The following KCNH3 variants were observed in gnomAD, a reference collection of about 807,000 sequenced individuals.
KCNH3 encodes the protein voltage-gated inwardly rectifying potassium channel KCNH3.
KCNH3 carries 36 observed loss-of-function variants against 95.6 expected under a neutral mutation model. The ratio of observed to expected loss-of-function variants is 0.38; its 90% CI spans 0.29 to 0.50. The LOEUF is 0.50. Ranked by LOEUF, KCNH3 falls within the 20% of genes least tolerant of loss-of-function variation. The probability of loss-of-function intolerance (pLI) is 0.95; values close to 1 mark genes in which losing one functional copy is unlikely to be tolerated. For missense variants in KCNH3, 1,030 were observed against 1,484.1 expected, an observed-to-expected ratio of 0.69 and a Z score of 5.03; for synonymous variants, 620 against 646.3, an observed-to-expected ratio of 0.96 and a Z score of 0.62.
At chr12:49,542,647 C>A in intron 3 of KCNH3, 59 bp from the exon 4 acceptor site, 1 of 1,509,488 alleles carries the variant, frequency 6.6e-7, no homozygotes. Context: ...ACACCTGACC[C>A]GGAGCTAGGG....
chr12:49,552,433 G>A (rs1289008582), intron 10 of KCNH3, among the ~76,000 whole-genome samples: 2 of 152,202 alleles, frequency 1.3e-5, no homozygotes, highest in Non-Finnish European at 2.9e-5. Flanking sequence ...TATGTTTTGG[G>A]TGAACTACTT....
chr12:49,549,191 C>T lies in KCNH3; in HGVS notation c.1468+18C>T, dbSNP rs775505803. 4.4e-5 allele frequency: 69 copies of T among 1,565,964 alleles called. 2 individuals carry two copies. The Admixed American group carries it at 1.2e-3, about 28-fold the overall frequency. On this transcript the variant is annotated intron_variant, in intron 8 of 14. Transcript: ENST00000257981. ...CATCGGCGGTGAGCCCGGCCGCGCG[C>T]GTCTTCCCGGGGCCACTCCCAGACT...
intron 11 of KCNH3, 71 bp from the exon 12 acceptor site, chr12:49,555,549 C>T: frequency 1.0e-6 from 1 of 968,838 alleles, no homozygotes; most frequent in Non-Finnish European, 1.5e-6. Flanking sequence ...TAGATGAAGC[C>T]TTGGTAGGGG....
Position 49,542,691 on chromosome 12 carries a change from C to A in KCNH3, c.446-15C>A. 1 of 1,561,458 alleles carries A rather than the reference C, an allele frequency of 6.4e-7. No homozygotes were observed. The highest frequency in any genetic ancestry group is 2.4e-5 in the East Asian group (1 of 42,084). On this transcript the variant is annotated splice_polypyrimidine_tract_variant and intron_variant, in intron 3 of 14. Transcript: ENST00000257981. ...CACACACCCATCATCTTCATGGGCC[C>A]CTCTTCTTTCGCAGGTGGTGGCCGG...
chr12:49,555,284 CAAAAAAAA>C (rs1157061451), intron 11 of KCNH3, among the ~76,000 whole-genome samples: 1 of 66,872 alleles, frequency 1.5e-5, no homozygotes, highest in Non-Finnish European at 3.0e-5. Context: ...ACTAAAAATA[CAAAAAAAA>C]AAAAAAAAAA....
rs1283761594 is a variant in KCNH3 at position 49,542,859 on chromosome 12, G to A, written c.579+20G>A. ...AATAAGGTGGGCTCAGCCCTGGGAT[G>A]TGTGGGAGAGGGGAGGGGCAGACGC... On this transcript the variant is annotated intron_variant, in intron 4 of 14. Coordinates refer to ENST00000257981, the MANE Select transcript of KCNH3 (RefSeq NM_012284.3). 2 of 1,602,590 alleles carry A rather than the reference G, an allele frequency of 1.2e-6. No individual in the cohort carries two copies. The highest frequency in any genetic ancestry group is 1.7e-6 in the Non-Finnish European group (2 of 1,176,024).
At chr12:49,545,681 A>G (rs1938038818) in intron 7 of KCNH3, among the ~76,000 whole-genome samples, 1 of 151,988 alleles carries the variant, frequency 6.6e-6, no homozygotes, top group Middle Eastern at 3.4e-3. Flanking sequence ...GTGAGCCACC[A>G]CACCCGGCAG....
chr12:49,556,746 C>CCTGT (rs1230836087), intron 13 of KCNH3: 1 of 681,638 alleles, frequency 1.5e-6, no homozygotes, highest in Admixed American at 2.0e-5. Context: ...GCCCCAGCTT[C>CCTGT]CTGTCTGTAA....
intron 7 of KCNH3, among the ~76,000 whole-genome samples, 159 bp from the exon 8 acceptor site, chr12:49,548,736 G>C (rs1202266160): frequency 1.3e-5 from 2 of 152,200 alleles, no homozygotes; most frequent in Non-Finnish European, 2.9e-5. Flanking sequence ...TCTTCTGAGG[G>C]TTGAGGGGGT....
chr12:49,555,961 C>G lies in KCNH3; in HGVS notation c.2468+10C>G. The G allele has an allele frequency of 7.4e-7, 1 of 1,355,754 alleles. No individual in the cohort carries two copies. The highest frequency in any genetic ancestry group is 1.0e-6 in the Non-Finnish European group (1 of 978,248). The allele number at this position is 1,355,754 out of a possible 1,614,324, so 84.0% of individuals were successfully genotyped here. A position where few individuals can be genotyped will look rare whatever the true frequency, so the allele number is the denominator to read the frequency against. On this transcript the variant is annotated intron_variant, in intron 12 of 14. Transcript: ENST00000257981. Reference sequence around the variant, plus strand: ...CAGATCTGAGCCCCAGGTGAGCAGACCCTAGGCCCCCGTGGCAGAGATGGT... The same window carrying G: ...CAGATCTGAGCCCCAGGTGAGCAGAGCCTAGGCCCCCGTGGCAGAGATGGT...
At chr12:49,541,883 A>C (rs1246751342) in intron 3 of KCNH3, 119 bp downstream of exon 3, 6 of 1,074,036 alleles carry the variant, frequency 5.6e-6, no homozygotes, top group Non-Finnish European at 8.2e-6. Flanking sequence ...ACTCCCACTC[A>C]GGCTGCCTGA....
chr12:49,551,554 C>T (rs189128855), intron 10 of KCNH3, among the ~76,000 whole-genome samples: 154 of 124,910 alleles, frequency 1.2e-3, no homozygotes, highest in African/African-American at 4.2e-3. Flanking sequence ...CCAGCCTGGG[C>T]GATAAGCGAG....
At position 49,555,992 on chromosome 12, in the gene KCNH3, T is replaced by C. The variant is rs774014570; in HGVS notation, c.2468+41T>C. On this transcript the variant is annotated intron_variant, in intron 12 of 14. Transcript: ENST00000257981. ...GCCCCCGTGGCAGAGATGGTGGTGA[T>C]GAGGCTGAGGCCCTGGGCAGGCGCA... 3.4e-5 allele frequency: 33 copies of C among 962,560 alleles called. 1 individual carries two copies. The South Asian group carries it at 5.0e-4, about 14-fold the overall frequency. 59.6% of individuals were successfully genotyped at this position (962,560 alleles called of 1,614,324 possible).
chr12:49,540,212 G>A (rs141085618), intron 1 of KCNH3, among the ~76,000 whole-genome samples: 75 of 152,256 alleles, frequency 4.9e-4, no homozygotes, highest in Admixed American at 1.6e-3. Flanking sequence ...TTCCTGATAG[G>A]GGGTGGGAGC....
At position 49,558,130 on chromosome 12, in the gene KCNH3, G is replaced by C; in HGVS notation, c.*177G>C. ...CCTGACTCTCAGAGAGGATAGGCTG[G>C]ATCCCTGGGGCAGGCCTCTCCTCGG... On this transcript the variant is annotated 3_prime_UTR_variant, in exon 15 of 15. Coordinates refer to ENST00000257981, the MANE Select transcript of KCNH3 (RefSeq NM_012284.3). The C allele has an allele frequency of 1.6e-6, 1 of 621,866 alleles. No individual in the cohort carries two copies. Among genetic ancestry groups the C allele is most frequent in the Non-Finnish European group, 2.4e-6 (1 of 418,864 alleles). The allele number at this position is 621,866 out of a possible 1,614,324, so 38.5% of individuals were successfully genotyped here. A position where few individuals can be genotyped will look rare whatever the true frequency, so the allele number is the denominator to read the frequency against.
rs956675659 is a variant in KCNH3, at chr12:49,549,733, G to T, written c.1668+93G>T. On this transcript the variant is annotated intron_variant, in intron 9 of 14. Transcript: ENST00000257981. ...TCAGGAGTGGGGGAGGATGAATGCA[G>T]AATTTTGGCCCCTGTGCCTCCCTTC... is the stretch of plus-strand genomic sequence containing the variant. 24 of 1,288,172 alleles carry T rather than the reference G, an allele frequency of 1.9e-5. 1 individual carries two copies. In the Admixed American group the frequency reaches 3.7e-4, roughly 20 times the overall value. The allele number at this position is 1,288,172 out of a possible 1,614,324, so 79.8% of individuals were successfully genotyped here. A position where few individuals can be genotyped will look rare whatever the true frequency, so the allele number is the denominator to read the frequency against.
Position 49,540,961 on chromosome 12 carries a change from G to A in KCNH3, c.139G>A (p.Asp47Asn). ...GCTCTTCCCCGTGGTCTACTGCTCTGATGGCTTCTGTGACCTCACGGGCTT... is the reference window on the plus strand; with the variant it reads ...GCTCTTCCCCGTGGTCTACTGCTCTAATGGCTTCTGTGACCTCACGGGCTT... ...AGLFPVVYCSDGFCDLTGFSR... is the reference protein window; with the variant it reads ...AGLFPVVYCSNGFCDLTGFSR... Residue 47 changes from aspartate (D) to asparagine (N), a missense_variant, in exon 2 of 15, where the codon GAT (aspartate) becomes AAT (asparagine). Transcript: ENST00000257981. 6.2e-7 allele frequency: 1 copy of A among 1,614,202 alleles called. No individual in the cohort carries two copies. Among genetic ancestry groups the A allele is most frequent in the Non-Finnish European group, 8.5e-7 (1 of 1,180,034 alleles).
intron 7 of KCNH3, among the ~76,000 whole-genome samples, chr12:49,548,095 C>CGTGTGTGTGTGTGTGTGT (rs369626063): frequency 1.0e-4 from 15 of 146,616 alleles, no homozygotes; most frequent in Non-Finnish European, 1.1e-4. Context: ...CCTGTGACTA[C>CGTGTGTGTGTGTGTGTGT]GTGTGTGTGT....
Position 49,539,230 on chromosome 12 carries a change from G to A in KCNH3, c.-187G>A, listed in dbSNP as rs1786202028. The A allele has an allele frequency of 5.7e-6, 1 of 175,360 alleles. No individual in the cohort carries two copies. The highest frequency in any genetic ancestry group is 2.0e-4 in the South Asian group (1 of 5,094). The allele number at this position is 175,360 out of a possible 1,614,324, so 10.9% of individuals were successfully genotyped here. ...GGCCGCGCGCCATGCTCCGGGCCCC[G>A]ACGGCGCGGACGCCCCCTCGCGCGC... On this transcript the variant is annotated 5_prime_UTR_variant, in exon 1 of 15. Transcript: ENST00000257981. This position sits in a 1 kb window ranked among gnomAD's most constrained non-coding sequence, Gnocchi z 6.7.
Sources: allele counts gnomAD v4.1 joint callset (sites outside exome capture counted in the v4.1 genomes callset), GRCh38; gene constraint gnomAD v4.1.1; non-coding constraint Gnocchi (gnomAD v3.1); transcripts MANE v1.5; gene names NCBI Gene and HGNC (gene_info 2026-07-23, HGNC 2026-07-21).